The following SVOP variants were observed in gnomAD, a reference collection of about 807,000 sequenced individuals.
SVOP encodes synaptic vesicle 2-related protein.
In SVOP, 17 loss-of-function variants were observed where a neutral mutation model predicts 69.1. The observed-to-expected ratio is 0.25, with a 90% CI of 0.17 to 0.37. The LOEUF is 0.37. Among genes scored for constraint, SVOP ranks in the 10% least tolerant of loss-of-function variants. The probability of loss-of-function intolerance (pLI) is 1.00; values close to 1 mark genes in which losing one functional copy is unlikely to be tolerated. For missense variants in SVOP, 435 were observed against 597.5 expected (o/e 0.73, Z 2.84); for synonymous variants, 238 against 238.6 (o/e 1.00, Z 0.02).
At chr12:108,955,929 T>C (rs2039982956) in intron 6 of SVOP, among the ~76,000 whole-genome samples, 1 of 152,170 alleles carries the variant, frequency 6.6e-6, no homozygotes. Flanking sequence ...CCTGAGGTCA[T>C]ACAGCTATTA....
At position 109,012,884 on chromosome 12, in the gene SVOP, G is replaced by T. The variant is rs376725838; in HGVS notation, c.35+7950C>A. Among the ~76,000 whole-genome samples, 8 of 152,290 alleles carry T rather than the reference G, an allele frequency of 5.3e-5. No homozygotes were observed. The South Asian group carries it at 8.3e-4, about 16-fold the overall frequency. On this transcript the variant is annotated intron_variant, in intron 1 of 15. Transcript: ENST00000610966. ...GTTGAGGCTGCCGTGAGCCATGATT[G>T]TGCCACTGCACTCGAGCCTGGGCAA...
chr12:108,926,539 C>A (rs1404964457), intron 11 of SVOP: 1 of 152,184 alleles, frequency 6.6e-6, no homozygotes, highest in African/African-American at 2.4e-5. Context: ...CTGAAGTAAG[C>A]ATGTGTGAAA....
chr12:108,915,177 A>C (rs2039706206), intron 15 of SVOP, among the ~76,000 whole-genome samples: 1 of 151,470 alleles, frequency 6.6e-6, no homozygotes, highest in Admixed American at 6.6e-5. Context: ...CATCCCAAAA[A>C]AAAAAAAAAA....
intron 1 of SVOP, among the ~76,000 whole-genome samples, chr12:109,020,286 C>T (rs532926476): frequency 6.6e-6 from 1 of 152,268 alleles, no homozygotes; most frequent in Admixed American, 6.5e-5. Flanking sequence ...GAGGTTTCAC[C>T]GACCGTGCAC....
rs2039685594 is a variant in SVOP at position 108,911,883 on chromosome 12, C to G, written c.*652G>C. ...CACCTGGTGCAAGACCAGCTGTCCC[C>G]AGGGACACATCTGGATCTCTTGGTG... On this transcript the variant is annotated 3_prime_UTR_variant, in exon 16 of 16. Transcript: ENST00000610966. 6.6e-6 allele frequency: 1 copy of G among 152,482 alleles called. No individual in the cohort carries two copies. Among genetic ancestry groups the G allele is most frequent in the Non-Finnish European group, 1.5e-5 (1 of 68,342 alleles). 9.4% of individuals were successfully genotyped at this position (152,482 alleles called of 1,614,324 possible).
chr12:108,920,807 G>A (rs1187615959), intron 12 of SVOP, among the ~76,000 whole-genome samples: 1 of 151,936 alleles, frequency 6.6e-6, no homozygotes, highest in East Asian at 1.9e-4. Flanking sequence ...CATTTGGCCA[G>A]GCTGCTCTCG....
chr12:108,981,743 G>C (rs1444718954), intron 2 of SVOP, among the ~76,000 whole-genome samples: 1 of 152,104 alleles, frequency 6.6e-6, no homozygotes, highest in African/African-American at 2.4e-5. Context: ...ATGTAAACTG[G>C]TTAGAGCAGT....
In SVOP at chr12:108,959,351, CTTTT is replaced by C. The variant is rs36192896; in HGVS notation, c.578+1568_578+1571del. ...ACCTGTCCAACCTCAGCTTTTAATT[CTTTT>C]TTTTTTTTTTTTTTTTGAGTCAGAG... On this transcript the variant is annotated intron_variant, in intron 6 of 15. Transcript: ENST00000610966. 3.2e-3 allele frequency among the ~76,000 whole-genome samples: 338 copies of C among 106,668 alleles called. 11 individuals carry two copies. The East Asian group carries it at 0.066, about 21-fold the overall frequency. 70.0% of individuals were successfully genotyped at this position (106,668 alleles called of 152,430 possible). A position where few individuals can be genotyped will look rare whatever the true frequency, so the allele number is the denominator to read the frequency against.
chr12:108,926,898 G>C (rs989787686), intron 11 of SVOP, among the ~76,000 whole-genome samples: 2 of 152,168 alleles, frequency 1.3e-5, no homozygotes, highest in Admixed American at 6.5e-5. Context: ...GACTACCTTT[G>C]TTCTGGACTA....
At chr12:108,986,783 G>A (rs2137441107) in intron 1 of SVOP, among the ~76,000 whole-genome samples, 1 of 152,182 alleles carries the variant, frequency 6.6e-6, no homozygotes, top group South Asian at 2.1e-4. Context: ...CGGGGAGGGG[G>A]GGGTCTTTAT....
intron 6 of SVOP, among the ~76,000 whole-genome samples, chr12:108,960,157 C>T (rs970132138): frequency 4.6e-5 from 7 of 152,156 alleles, no homozygotes; most frequent in African/African-American, 1.7e-4. Flanking sequence ...GCTTTGCAGG[C>T]CATATATCTG....
In SVOP at chr12:108,938,974, G is replaced by A. The variant is rs2039872685; in HGVS notation, c.769-19C>T. On this transcript the variant is annotated intron_variant, in intron 8 of 15. Coordinates refer to ENST00000610966, the MANE Select transcript of SVOP (RefSeq NM_018711.5). ...GCAGCCACTGGGATGGGGGAGACAG[G>A]AAACCCAGGCGTGGCTGGTTAGGGT... 6.2e-7 allele frequency: 1 copy of A among 1,613,862 alleles called. No individual in the cohort carries two copies. Among genetic ancestry groups the A allele is most frequent in the South Asian group, 1.1e-5 (1 of 91,080 alleles).
intron 4 of SVOP, 88 bp downstream of exon 4, chr12:108,977,309 CT>C: frequency 6.9e-7 from 1 of 1,443,846 alleles, no homozygotes; most frequent in Non-Finnish European, 9.3e-7. Context: ...TCTGCTGAGC[CT>C]TCGGCAGCAG....
In SVOP at chr12:108,921,492, G is replaced by A. The variant is rs1225476919; in HGVS notation, c.1156+1198C>T. Among the ~76,000 whole-genome samples the A allele has an allele frequency of 2.0e-5, 3 of 152,094 alleles. No individual in the cohort carries two copies. In the East Asian group the frequency reaches 5.8e-4, roughly 29 times the overall value. On this transcript the variant is annotated intron_variant, in intron 12 of 15. Transcript: ENST00000610966. ...AGGGAAAGCAACAAACAAAAGGTGGGTATCAAGCAGTTGCCCACTACTGTG... is the reference window on the plus strand; with the variant it reads ...AGGGAAAGCAACAAACAAAAGGTGGATATCAAGCAGTTGCCCACTACTGTG...
intron 6 of SVOP, among the ~76,000 whole-genome samples, chr12:108,948,400 T>G (rs952553994): frequency 6.6e-6 from 1 of 152,214 alleles, no homozygotes; most frequent in Non-Finnish European, 1.5e-5. Flanking sequence ...CCACTGAGAT[T>G]TAGACAAAGT....
Position 108,961,044 on chromosome 12 carries a change from GC to G in SVOP, c.456del (p.Leu153Ter). On this transcript the variant is annotated frameshift_variant and splice_region_variant, in exon 6 of 16. Transcript: ENST00000610966. LOFTEE classifies it high-confidence loss of function. ...NISDQYGRKTGLKISVLWTLY... is the reference protein window; with the variant it reads ...NISDQYGRKTXLKISVLWTLY... ...AGAGTCCACAGCACGCTGATCTTCA[GC>G]CCCTGAAGAGAAGGAAGACACGGAA... 1 of 1,535,230 alleles carries G rather than the reference GC, an allele frequency of 6.5e-7. No homozygotes were observed. Among genetic ancestry groups the G allele is most frequent in the Non-Finnish European group, 8.7e-7 (1 of 1,145,648 alleles).
At chr12:109,018,448 T>C (rs2135637204) in intron 1 of SVOP, among the ~76,000 whole-genome samples, 1 of 152,306 alleles carries the variant, frequency 6.6e-6, no homozygotes, top group South Asian at 2.1e-4. Flanking sequence ...GCTTATAATC[T>C]GCTAACACTT....
At chr12:108,930,640 G>A (rs1479052596) in intron 11 of SVOP, among the ~76,000 whole-genome samples, 1 of 152,102 alleles carries the variant, frequency 6.6e-6, no homozygotes, top group East Asian at 1.9e-4. Flanking sequence ...TCGCCGTGTT[G>A]GCCAGGCTGG....
At chr12:108,976,713 T>G (rs1223481544) in intron 4 of SVOP, among the ~76,000 whole-genome samples, 3 of 151,816 alleles carry the variant, frequency 2.0e-5, no homozygotes, top group African/African-American at 7.3e-5. Context: ...CCTCCCGGAT[T>G]CAAGCAATTC....
Sources: allele counts gnomAD v4.1 joint callset (sites outside exome capture counted in the v4.1 genomes callset), GRCh38; gene constraint gnomAD v4.1.1; transcripts MANE v1.5; gene names NCBI Gene and HGNC (gene_info 2026-07-23, HGNC 2026-07-21).